The following PIGZ variants were observed in gnomAD, a reference collection of about 807,000 sequenced individuals.
PIGZ encodes the protein phosphatidylinositol glycan anchor biosynthesis class Z (Gwada blood group).
PIGZ carries 16 observed loss-of-function variants against 16.4 expected under a neutral mutation model. The observed-to-expected ratio is 0.97, with a 90% CI of 0.66 to 1.48. The LOEUF (loss-of-function observed/expected upper bound fraction) is 1.48, where lower values mean the gene tolerates loss of function less well. Among genes scored for constraint, PIGZ ranks in the 40% most tolerant of loss-of-function variants. The pLI, the probability that PIGZ is intolerant of heterozygous loss-of-function variation, is 0.00. For synonymous variants in PIGZ, 409 were observed against 338.4 expected (o/e 1.21, Z -2.29); for missense variants, 770 against 739.2 (o/e 1.04, Z -0.48).
chr3:196,957,788 T>C (rs1717558609), intron 1 of PIGZ, among the ~76,000 whole-genome samples: 1 of 152,212 alleles, frequency 6.6e-6, no homozygotes, highest in Non-Finnish European at 1.5e-5. Context: ...AAGCTTTATC[T>C]TCTGTCCTGC....
At position 196,947,486 on chromosome 3, in the gene PIGZ, G is replaced by A. The variant is rs1716947089; in HGVS notation, c.1411C>T (p.His471Tyr). Residue 471 changes from histidine to tyrosine, a missense_variant, in exon 3 of 3, where the codon CAC becomes TAC. By Grantham distance (83) the His-to-Tyr change is moderately conservative. Coordinates refer to ENST00000412723, the MANE Select transcript of PIGZ (RefSeq NM_025163.4). ...CCCAGGCCTGGGAGGTGTAGGAGGT[G>A]CCGGGGGGGCATGTAGGTGTGAGTG... ...LFTHTYMPPR[H>Y]LLHLPGLGAP... The A allele has an allele frequency of 3.1e-6, 5 of 1,613,644 alleles. No individual in the cohort carries two copies. The highest frequency in any genetic ancestry group is 4.2e-6 in the Non-Finnish European group (5 of 1,179,980).
At chr3:196,959,226 C>T (rs890846097) in intron 1 of PIGZ, among the ~76,000 whole-genome samples, 38 of 152,240 alleles carry the variant, frequency 2.5e-4, no homozygotes, top group Non-Finnish European at 5.1e-4. Flanking sequence ...AGTTACTACA[C>T]ACCCCTGCCC....
At chr3:196,959,851 C>T (rs1035789839) in intron 1 of PIGZ, among the ~76,000 whole-genome samples, 1 of 152,184 alleles carries the variant, frequency 6.6e-6, no homozygotes, top group Non-Finnish European at 1.5e-5. Flanking sequence ...TCTTACTGTA[C>T]TGTGAGGGGT....
rs1717570358 is a variant in PIGZ at position 196,958,132 on chromosome 3, A to G, written c.1-6101T>C. Among the ~76,000 whole-genome samples, 6 of 152,212 alleles carry G rather than the reference A, an allele frequency of 3.9e-5. No individual in the cohort carries two copies. The South Asian group carries it at 1.0e-3, about 26-fold the overall frequency. On this transcript the variant is annotated intron_variant, in intron 1 of 2. Transcript: ENST00000412723. ...ATTACTTACATTTTCTTCGGCTTAC[A>G]TACTATTTTATCCAGCATTTTAGTT...
At chr3:196,959,405 T>G (rs534596868) in intron 1 of PIGZ, among the ~76,000 whole-genome samples, 1 of 152,342 alleles carries the variant, frequency 6.6e-6, no homozygotes, top group East Asian at 1.9e-4. Context: ...CTTTAAAATT[T>G]GTTTTGTCAC....
At chr3:196,949,028 T>TCC (rs1467456649) in intron 2 of PIGZ, among the ~76,000 whole-genome samples, 1 of 24,218 alleles carries the variant, frequency 4.1e-5, no homozygotes, top group African/African-American at 3.1e-4. Context: ...TCCCTTCCCT[T>TCC]CCTTCCCTTC....
chr3:196,961,082 A>T (rs764910333), intron 1 of PIGZ, among the ~76,000 whole-genome samples: 16 of 152,222 alleles, frequency 1.1e-4, no homozygotes, highest in Admixed American at 2.0e-4. Context: ...GGAGATGGAT[A>T]CAGTTTCTGA....
At position 196,948,421 on chromosome 3, in the gene PIGZ, A is replaced by G; in HGVS notation, c.476T>C (p.Leu159Pro). 1 of 1,614,200 alleles carries G rather than the reference A, an allele frequency of 6.2e-7. No homozygotes were observed. Among genetic ancestry groups the G allele is most frequent in the Non-Finnish European group, 8.5e-7 (1 of 1,180,024 alleles). ...GACGTAGGAACCAGACAGCAGGGCC[A>G]GGGCGTTCCAGCGATCCGCCCCCAT... ...PPMGADRWNA[L>P]ALLSGSYVTL... The change falls in exon 3 of 3, where the codon CTG (leucine) becomes CCG (proline). Residue 159 changes from leucine to proline, a missense_variant. Leu to Pro is a moderately conservative substitution (Grantham distance 98, BLOSUM62 -3). Coordinates refer to ENST00000412723, the MANE Select transcript of PIGZ (RefSeq NM_025163.4).
chr3:196,963,427 C>T (rs1473072112), intron 1 of PIGZ, among the ~76,000 whole-genome samples: 3 of 152,228 alleles, frequency 2.0e-5, no homozygotes, highest in East Asian at 1.9e-4. Flanking sequence ...AAATGTATGA[C>T]GGTTCTAACC....
chr3:196,955,369 T>C (rs1247478517), intron 1 of PIGZ, among the ~76,000 whole-genome samples: 1 of 152,180 alleles, frequency 6.6e-6, no homozygotes. Flanking sequence ...TTTGAAGCTA[T>C]ATTATTATAT....
In PIGZ at chr3:196,964,042, ATT is replaced by A. The variant is rs752516952; in HGVS notation, c.-1+4643_-1+4644del. On this transcript the variant is annotated intron_variant, in intron 1 of 2. Transcript: ENST00000412723. ...TTTTTATTTGTTTGCTTTTATTTTT[ATT>A]TTTATTTATTTATTTATTTATTTTG... 4.0e-4 allele frequency among the ~76,000 whole-genome samples: 45 copies of A among 111,542 alleles called. No individual in the cohort carries two copies. In the Middle Eastern group the frequency reaches 0.018, roughly 45 times the overall value. The allele number at this position is 111,542 out of a possible 152,430, so 73.2% of individuals were successfully genotyped here.
intron 1 of PIGZ, among the ~76,000 whole-genome samples, chr3:196,955,067 G>A (rs11717211): frequency 0.51 from 77,685 of 151,862 alleles, 20,464 homozygotes; most frequent in East Asian, 0.93. Context: ...CTAGGAAGAC[G>A]GGTATGTGCC....
At chr3:196,961,357 T>G (rs1410351426) in intron 1 of PIGZ, among the ~76,000 whole-genome samples, 1 of 152,236 alleles carries the variant, frequency 6.6e-6, no homozygotes, top group Non-Finnish European at 1.5e-5. Flanking sequence ...AAAGGTTTTG[T>G]AAGCAGCTAA....
intron 2 of PIGZ, among the ~76,000 whole-genome samples, chr3:196,949,855 C>G (rs1378677508): frequency 6.6e-6 from 1 of 152,040 alleles, no homozygotes; most frequent in South Asian, 2.1e-4. Context: ...CTTGTCCTTA[C>G]ACCTGTCAAG....
Position 196,947,007 on chromosome 3 carries a change from C to T in PIGZ, c.*150G>A, listed in dbSNP as rs915400434. ...GTGCCAGCTCACCCAGAAGGCAGAA[C>T]AGCTAACAGCCATGCCCAGGAGAGG... On this transcript the variant is annotated 3_prime_UTR_variant, in exon 3 of 3. Transcript: ENST00000412723. 6.2e-6 allele frequency: 4 copies of T among 641,374 alleles called. No individual in the cohort carries two copies. The highest frequency in any genetic ancestry group is 3.7e-5 in the African/African-American group (2 of 54,622). The allele number at this position is 641,374 out of a possible 1,614,324, so 39.7% of individuals were successfully genotyped here.
chr3:196,951,625 G>A (rs537025987), intron 2 of PIGZ, 196 bp downstream of exon 2: 12 of 612,218 alleles, frequency 2.0e-5, no homozygotes, highest in African/African-American at 1.5e-4. Context: ...TACCCAGAAG[G>A]TCAGTGTCAC....
At chr3:196,952,914 G>A (rs1717346819) in intron 1 of PIGZ, among the ~76,000 whole-genome samples, 1 of 152,120 alleles carries the variant, frequency 6.6e-6, no homozygotes, top group African/African-American at 2.4e-5. Context: ...TGGTTCTTGG[G>A]TCTTCAGACT....
chr3:196,948,992 TTCCCTTTACTTCTCTTTCCC>T (rs1717129312), intron 2 of PIGZ, among the ~76,000 whole-genome samples: 1 of 51,652 alleles, frequency 1.9e-5, no homozygotes, highest in South Asian at 8.8e-4. Context: ...CTTCCCTTCC[TTCCCTTTACTTCTCTTTCCC>T]TCCCCTCCCT....
intron 1 of PIGZ, among the ~76,000 whole-genome samples, chr3:196,963,094 T>C (rs1049438224): frequency 2.6e-5 from 4 of 152,266 alleles, no homozygotes; most frequent in African/African-American, 9.6e-5. Context: ...CTTAGCAGAA[T>C]GTTTTCGTGG....
Sources: allele counts gnomAD v4.1 joint callset (sites outside exome capture counted in the v4.1 genomes callset), GRCh38; gene constraint gnomAD v4.1.1; transcripts MANE v1.5; gene names NCBI Gene and HGNC (gene_info 2026-07-23, HGNC 2026-07-21).